TRPM1: variants seen among roughly 807,000 people sequenced by gnomAD.
The protein encoded by TRPM1 is TRPM1-203 APA Isoform, Intron 10.
TRPM1 carries 113 observed loss-of-function variants against 149.4 expected under a neutral mutation model. The ratio of observed to expected loss-of-function variants is 0.76; its 90% CI spans 0.65 to 0.88. The LOEUF (loss-of-function observed/expected upper bound fraction) is 0.88. Ranked by LOEUF, TRPM1 falls within the 40% of genes least tolerant of loss-of-function variation. TRPM1 has a pLI of 0.00. For missense variants in TRPM1, 1,976 were observed against 2,038.7 expected (o/e 0.97, Z 0.59); for synonymous variants, 741 against 759.5 (o/e 0.98, Z 0.40).
intron 21 of TRPM1, among the ~76,000 whole-genome samples, chr15:31,033,787 C>G (rs544053157): frequency 1.3e-5 from 2 of 152,286 alleles, no homozygotes; most frequent in African/African-American, 4.8e-5. Flanking sequence ...TATGGTGGAC[C>G]CTCAGCAAGG....
chr15:31,103,332 C>T (rs972440196), upstream of TRPM1, among the ~76,000 whole-genome samples: 8 of 152,302 alleles, frequency 5.3e-5, no homozygotes, highest in African/African-American at 1.4e-4. Context: ...CCACAGGCCA[C>T]GCGTGGCTAT....
At chr15:31,143,202 C>T (rs2036181219) in intron 1 of TRPM1, among the ~76,000 whole-genome samples, 1 of 152,152 alleles carries the variant, frequency 6.6e-6, no homozygotes, top group Non-Finnish European at 1.5e-5. Flanking sequence ...CTTTGAGATA[C>T]TATTGGACTG....
At chr15:31,087,434 T>G (rs2140992195) in intron 1 of TRPM1, among the ~76,000 whole-genome samples, 1 of 151,790 alleles carries the variant, frequency 6.6e-6, no homozygotes, top group South Asian at 2.1e-4. Context: ...TTGTGTATTT[T>G]TAGTAGAGAC....
At chr15:31,089,181 C>T (rs2035139879) in intron 1 of TRPM1, among the ~76,000 whole-genome samples, 1 of 152,176 alleles carries the variant, frequency 6.6e-6, no homozygotes, top group Non-Finnish European at 1.5e-5. Flanking sequence ...CATTATTGTG[C>T]AACAGGAGTG....
chr15:31,088,386 G>A (rs900108104), intron 1 of TRPM1, among the ~76,000 whole-genome samples: 1 of 152,172 alleles, frequency 6.6e-6, no homozygotes, highest in East Asian at 1.9e-4. Context: ...GGCAATAAAT[G>A]TTATTGCTGC....
Position 31,037,800 on chromosome 15 carries a change from T to G in TRPM1, c.2482A>C (p.Asn828His). Reference sequence around the variant, plus strand: ...ATACTTCTCTGTTTTTTGTGCTCGTTCTCCTCATCCCCCTTTCTTGAGCCA... The same window carrying G: ...ATACTTCTCTGTTTTTTGTGCTCGTGCTCCTCATCCCCCTTTCTTGAGCCA... ...DAGSRKGDEE[N>H]EHKKQRSIPI... Residue 828 changes from asparagine to histidine, a missense_variant, in exon 20 of 28, where the codon AAC becomes CAC. By Grantham distance (68) the Asn-to-His change is moderately conservative. This residue lies in a region of TRPM1 where 1,332 missense variants were observed against 1,347.1 expected (regional missense o/e 0.99). Transcript: ENST00000256552. 1 of 1,614,176 alleles carries G rather than the reference T, an allele frequency of 6.2e-7. No homozygotes were observed. Among genetic ancestry groups the G allele is most frequent in the Non-Finnish European group, 8.5e-7 (1 of 1,180,034 alleles).
At chr15:31,017,167 A>G (rs144146049) in intron 27 of TRPM1, among the ~76,000 whole-genome samples, 4,561 of 152,134 alleles carry the variant, frequency 0.03, 88 homozygotes, top group Non-Finnish European at 0.048. Context: ...TTAGCCGGAC[A>G]TGGTGGCGTG....
Position 31,003,086 on chromosome 15 carries a change from G to T in TRPM1, c.3630-16C>A. The T allele has an allele frequency of 6.3e-7, 1 of 1,588,184 alleles. No homozygotes were observed. Among genetic ancestry groups the T allele is most frequent in the South Asian group, 1.2e-5 (1 of 86,424 alleles). On this transcript the variant is annotated splice_polypyrimidine_tract_variant and intron_variant, in intron 27 of 27. Transcript: ENST00000256552. ...ATTTTCAACTCTGGTGAATATAAAG[G>T]GATAGATTTATTAAACTGAGATTAA...
rs780771741 is a variant in TRPM1, at chr15:31,027,072, C to T, written c.3339G>A (p.Lys1113=). 9 of 1,614,208 alleles carry T rather than the reference C, an allele frequency of 5.6e-6. No homozygotes were observed. The Admixed American group carries it at 1.5e-4, about 27-fold the overall frequency. The change falls in exon 26 of 28, where the codon AAG becomes AAA. Residue 1113 remains lysine (K), a synonymous_variant. Coordinates refer to ENST00000256552, the MANE Select transcript of TRPM1 (RefSeq NM_001252024.2). ...EVKSISNQVW[K]FQRYQLIMTF... is the part of the protein sequence containing the mutation. ...TCATAATCAGCTGATATCGCTGGAA[C>T]TTCCACACCTGGTTGGATATTGATT... is the stretch of plus-strand genomic sequence containing the variant.
intron 1 of TRPM1, among the ~76,000 whole-genome samples, chr15:31,133,848 C>T (rs2141045618): frequency 6.6e-6 from 1 of 152,328 alleles, no homozygotes; most frequent in East Asian, 1.9e-4. Flanking sequence ...GAGACAGAGC[C>T]TGCCCTCTGG....
intron 20 of TRPM1, among the ~76,000 whole-genome samples, chr15:31,037,130 C>T (rs1370847402): frequency 1.3e-5 from 2 of 152,264 alleles, no homozygotes; most frequent in Non-Finnish European, 2.9e-5. Flanking sequence ...GATCTGCCCT[C>T]CTGCCTCCTC....
rs546646679 is a variant in TRPM1 at position 31,022,199 on chromosome 15, A to C, written c.3629+3940T>G. ...ATAAGGGATGCTGAACCACAAAGAG[A>C]ACAGTGTGCTCCGTAGTGGATGTGC... On this transcript the variant is annotated intron_variant, in intron 27 of 27. Coordinates refer to ENST00000256552, the MANE Select transcript of TRPM1 (RefSeq NM_001252024.2). Among the ~76,000 whole-genome samples, 118 of 152,332 alleles carry C rather than the reference A, an allele frequency of 7.7e-4. 5 individuals are homozygous for C. The South Asian group carries it at 0.024, about 31-fold the overall frequency.
intron 7 of TRPM1, 66 bp from the exon 8 acceptor site, chr15:31,063,358 T>G: frequency 6.3e-7 from 1 of 1,597,122 alleles, no homozygotes; most frequent in Admixed American, 1.7e-5. Context: ...TCGTTTTAAC[T>G]CCTGAAGTAT....
At chr15:31,053,342 C>G (rs1174368350) in intron 11 of TRPM1, among the ~76,000 whole-genome samples, 1 of 152,126 alleles carries the variant, frequency 6.6e-6, no homozygotes, top group Non-Finnish European at 1.5e-5. Flanking sequence ...CCTCCGCCTC[C>G]CAGGTTCAAG....
upstream of TRPM1, among the ~76,000 whole-genome samples, chr15:31,103,566 A>C (rs780888439): frequency 3.3e-5 from 5 of 152,194 alleles, no homozygotes; most frequent in Non-Finnish European, 5.9e-5. Context: ...CAATTCCAGC[A>C]CTTTGGGAGG....
chr15:31,059,125 A>G (rs2034160002), intron 11 of TRPM1, among the ~76,000 whole-genome samples: 1 of 152,188 alleles, frequency 6.6e-6, no homozygotes, highest in Non-Finnish European at 1.5e-5. Flanking sequence ...TATCAAATCC[A>G]GGAGGAACAG....
At chr15:31,018,159 C>T (rs2032435500) in intron 27 of TRPM1, among the ~76,000 whole-genome samples, 2 of 152,002 alleles carry the variant, frequency 1.3e-5, no homozygotes, top group Non-Finnish European at 2.9e-5. Context: ...TCAAGCAACT[C>T]TCCTGCCTCA....
intron 1 of TRPM1, among the ~76,000 whole-genome samples, chr15:31,081,765 C>T (rs2034865450): frequency 6.6e-6 from 1 of 152,172 alleles, no homozygotes; most frequent in Admixed American, 6.5e-5. Flanking sequence ...GTGATTTACT[C>T]AACCTCCCGG....
intron 1 of TRPM1, among the ~76,000 whole-genome samples, chr15:31,153,412 C>T (rs992205130): frequency 6.6e-6 from 1 of 152,190 alleles, no homozygotes; most frequent in East Asian, 1.9e-4. Flanking sequence ...GCAACCTCCG[C>T]CTCCCAGGTT....
Sources: allele counts gnomAD v4.1 joint callset (sites outside exome capture counted in the v4.1 genomes callset), GRCh38; gene constraint gnomAD v4.1.1; regional missense constraint gnomAD v4.1.1; transcripts MANE v1.5; gene names NCBI Gene and HGNC (gene_info 2026-07-23, HGNC 2026-07-21).